The following OR10G3 variants were observed in gnomAD, a reference collection of about 807,000 sequenced individuals.
The protein encoded by OR10G3 is olfactory receptor 10G3.
OR10G3 carries 8 observed loss-of-function variants against 13.4 expected under a neutral mutation model. That is an observed-to-expected ratio of 0.60 (90% confidence interval 0.35 to 1.08). The LOEUF is 1.08. Ranked by LOEUF, OR10G3 falls within the 50% of genes least tolerant of loss-of-function variation. The probability of loss-of-function intolerance (pLI) is 0.02; values close to 1 mark genes in which losing one functional copy is unlikely to be tolerated. For missense variants in OR10G3, 393 were observed against 386.6 expected (o/e 1.02, Z -0.14); for synonymous variants, 142 against 156.1 (o/e 0.91, Z 0.67).
chr14:21,569,789 G>T lies in OR10G3; in HGVS notation c.*14C>A. The stretch of plus-strand genomic sequence containing the variant: ...TCTAATTGTGGCAGCTTCCCTAGTG[G>T]GAGAAAGACACTTTCAAACCTCACT... On this transcript the variant is annotated 3_prime_UTR_variant, in exon 2 of 2. Transcript: ENST00000641040. The T allele has an allele frequency of 1.2e-6, 2 of 1,600,168 alleles. No individual in the cohort carries two copies. Among genetic ancestry groups the T allele is most frequent in the South Asian group, 1.1e-5 (1 of 89,582 alleles).
chr14:21,580,076 C>T lies in OR10G3; in HGVS notation c.-308G>A, dbSNP rs1002921828. 1.3e-5 allele frequency: 2 copies of T among 152,184 alleles called. No homozygotes were observed. Among genetic ancestry groups the T allele is most frequent in the African/African-American group, 4.8e-5 (2 of 41,434 alleles). The allele number at this position is 152,184 out of a possible 1,614,324, so 9.4% of individuals were successfully genotyped here. A position where few individuals can be genotyped will look rare whatever the true frequency, so the allele number is the denominator to read the frequency against. On this transcript the variant is annotated 5_prime_UTR_variant, in exon 1 of 2. Transcript: ENST00000641040. ...AAGATAACTGTTAAGGTTGGTCTCT[C>T]CTGTGTTCTACTACTTCTTCTATTT...
Position 21,577,502 on chromosome 14 carries a change from A to G in OR10G3, c.-18+2284T>C, listed in dbSNP as rs192201665. Reference sequence around the variant, plus strand: ...AGGAACCAAATCAAAATAATGTAGTAAATCATGTGAACTGAATCACAATTT... The same window carrying G: ...AGGAACCAAATCAAAATAATGTAGTGAATCATGTGAACTGAATCACAATTT... On this transcript the variant is annotated intron_variant, in intron 1 of 1. Transcript: ENST00000641040. 3.0e-4 allele frequency among the ~76,000 whole-genome samples: 46 copies of G among 152,364 alleles called. No homozygotes were observed. In the East Asian group the frequency reaches 8.9e-3, roughly 29 times the overall value.
At chr14:21,575,747 C>A (rs536011505) in intron 1 of OR10G3, among the ~76,000 whole-genome samples, 5 of 152,078 alleles carry the variant, frequency 3.3e-5, no homozygotes, top group Non-Finnish European at 5.9e-5. Context: ...GCTTAGCTCT[C>A]ATCATTTAAC....
chr14:21,575,857 A>G lies in OR10G3; in HGVS notation c.-18+3929T>C, dbSNP rs573509164. On this transcript the variant is annotated intron_variant, in intron 1 of 1. Coordinates refer to ENST00000641040, the MANE Select transcript of OR10G3 (RefSeq NM_001005465.2). Reference sequence around the variant, plus strand: ...ATAAAATGCAGTTTATAAATTCTTCAGTTTTAAACATTATAGCCACAGGAT... The same window carrying G: ...ATAAAATGCAGTTTATAAATTCTTCGGTTTTAAACATTATAGCCACAGGAT... Among the ~76,000 whole-genome samples the G allele has an allele frequency of 1.7e-3, 256 of 152,304 alleles. 2 individuals carry two copies. The highest frequency in any genetic ancestry group is 3.4e-3 in the Middle Eastern group (1 of 294).
At chr14:21,572,757 C>T (rs985672560) in intron 1 of OR10G3, among the ~76,000 whole-genome samples, 19 of 151,866 alleles carry the variant, frequency 1.3e-4, no homozygotes, top group African/African-American at 4.6e-4. Flanking sequence ...GGGTTGATTT[C>T]TGGGCTCTGT....
chr14:21,575,818 C>T (rs536746492), intron 1 of OR10G3, among the ~76,000 whole-genome samples: 2 of 152,188 alleles, frequency 1.3e-5, no homozygotes, highest in Non-Finnish European at 2.9e-5. Flanking sequence ...GCCATTTTAT[C>T]CTCTTTCAAG....
chr14:21,570,363 A>G lies in OR10G3; in HGVS notation c.382T>C (p.Cys128Arg), dbSNP rs935999104. 1 of 1,614,220 alleles carries G rather than the reference A, an allele frequency of 6.2e-7. No homozygotes were observed. Among genetic ancestry groups the G allele is most frequent in the African/African-American group, 1.3e-5 (1 of 75,064 alleles). Residue 128 changes from cysteine to arginine, a missense_variant, in exon 2 of 2, where the codon TGT becomes CGT. Coordinates refer to ENST00000641040, the MANE Select transcript of OR10G3 (RefSeq NM_001005465.2). ...AGCACAGGGTAGCGCAGGGGCTGACATATTGCCAGGTACCTGTCATAGGCC... is the reference window on the plus strand; with the variant it reads ...AGCACAGGGTAGCGCAGGGGCTGACGTATTGCCAGGTACCTGTCATAGGCC... ...LMAYDRYLAI[C>R]QPLRYPVLMT...
In OR10G3 at chr14:21,569,937, C is replaced by T; in HGVS notation, c.808G>A (p.Asp270Asn). ...YLRPETNSPL[D>N]GAAALVPTAI... Reference sequence around the variant, plus strand: ...GTGGGGACTAGGGCAGCTGCCCCATCCAGGGGGCTGTTGGTTTCAGGCCTC... The same window carrying T: ...GTGGGGACTAGGGCAGCTGCCCCATTCAGGGGGCTGTTGGTTTCAGGCCTC... Residue 270 changes from aspartate (D) to asparagine (N), a missense_variant, in exon 2 of 2, where the codon GAT becomes AAT. Coordinates refer to ENST00000641040, the MANE Select transcript of OR10G3 (RefSeq NM_001005465.2). 6.2e-7 allele frequency: 1 copy of T among 1,612,694 alleles called. No individual in the cohort carries two copies. The highest frequency in any genetic ancestry group is 8.5e-7 in the Non-Finnish European group (1 of 1,179,280).
intron 1 of OR10G3, among the ~76,000 whole-genome samples, chr14:21,571,167 G>T (rs574012431): frequency 1.3e-5 from 2 of 152,200 alleles, no homozygotes; most frequent in Non-Finnish European, 2.9e-5. Context: ...CTGGAAACAT[G>T]ATATATGTGA....
chr14:21,569,042 A>G lies in OR10G3; in HGVS notation c.*761T>C, dbSNP rs1893033211. On this transcript the variant is annotated 3_prime_UTR_variant, in exon 2 of 2. Transcript: ENST00000641040. ...GACAGAACTAATGGGAAAAAAATAT[A>G]TATATATTTATATATATATAAAGGG... 1 of 150,538 alleles carries G rather than the reference A, an allele frequency of 6.6e-6. No homozygotes were observed. The highest frequency in any genetic ancestry group is 2.4e-5 in the African/African-American group (1 of 41,112). 9.3% of individuals were successfully genotyped at this position (150,538 alleles called of 1,614,324 possible).
At chr14:21,571,233 C>G (rs1419943960) in intron 1 of OR10G3, among the ~76,000 whole-genome samples, 2 of 152,216 alleles carry the variant, frequency 1.3e-5, no homozygotes, top group East Asian at 3.8e-4. Flanking sequence ...CCAGAGGCCA[C>G]TGGCTCACTC....
rs78898726 is a variant in OR10G3 at position 21,576,323 on chromosome 14, G to A, written c.-18+3463C>T. On this transcript the variant is annotated intron_variant, in intron 1 of 1. Coordinates refer to ENST00000641040, the MANE Select transcript of OR10G3 (RefSeq NM_001005465.2). ...TGTGTCTACTGCCCAGGGCACCCAC[G>A]TATTAATACTTCATGGTCCCTGGAA... 2.0e-3 allele frequency among the ~76,000 whole-genome samples: 306 copies of A among 152,284 alleles called. 2 individuals are homozygous for A. Among genetic ancestry groups the A allele is most frequent in the African/African-American group, 7.2e-3 (298 of 41,550 alleles).
intron 1 of OR10G3, among the ~76,000 whole-genome samples, chr14:21,578,856 A>G (rs546996743): frequency 2.0e-4 from 30 of 152,342 alleles, no homozygotes; most frequent in African/African-American, 6.5e-4. Context: ...CATATATAAT[A>G]TGAGAAAAGT....
intron 1 of OR10G3, among the ~76,000 whole-genome samples, chr14:21,579,236 AT>A (rs67010947): frequency 0.27 from 41,185 of 151,802 alleles, 5,874 homozygotes; most frequent in South Asian, 0.31. Context: ...TAATTTTTTA[AT>A]TTTTTTAATT....
At chr14:21,575,071 C>A (rs778167592) in intron 1 of OR10G3, 8 of 152,014 alleles carry the variant, frequency 5.3e-5, no homozygotes, top group Non-Finnish European at 1.2e-4. Context: ...TAGTTACATT[C>A]AAGTCTTTTT....
At chr14:21,570,893 G>A (rs903630132) in intron 1 of OR10G3, 132 bp from the exon 2 acceptor site, 1 of 599,562 alleles carries the variant, frequency 1.7e-6, no homozygotes. Flanking sequence ...CAAGTAGGGA[G>A]AAACAATGTT....
In OR10G3 at chr14:21,569,990, T is replaced by C. The variant is rs1594488897; in HGVS notation, c.755A>G (p.Tyr252Cys). ...CGAHVTVVTV[Y>C]YVPCAFIYLR... ...GTAGATGAAGGCACAGGGCACATAG[T>C]ACACGGTGACCACGGTTACATGGGC... The change falls in exon 2 of 2, where the codon TAC becomes TGC. Residue 252 changes from tyrosine to cysteine, a missense_variant. Transcript: ENST00000641040. 1.2e-6 allele frequency: 2 copies of C among 1,613,984 alleles called. No individual in the cohort carries two copies. The highest frequency in any genetic ancestry group is 2.2e-5 in the East Asian group (1 of 44,884).
rs994383770 is a variant in OR10G3, at chr14:21,579,790, A to G, written c.-22T>C. On this transcript the variant is annotated 5_prime_UTR_variant, in exon 1 of 2. Coordinates refer to ENST00000641040, the MANE Select transcript of OR10G3 (RefSeq NM_001005465.2). ...ATTTTGAGAAGAGGAACTCACCTGA[A>G]GGTGTCAGCATCCATCAAAAACTCT... The G allele has an allele frequency of 3.9e-5, 6 of 152,224 alleles. No individual in the cohort carries two copies. The highest frequency in any genetic ancestry group is 8.8e-5 in the Non-Finnish European group (6 of 68,050). 9.4% of individuals were successfully genotyped at this position (152,224 alleles called of 1,614,324 possible). A position where few individuals can be genotyped will look rare whatever the true frequency, so the allele number is the denominator to read the frequency against.
At position 21,569,031 on chromosome 14, in the gene OR10G3, G is replaced by T. The variant is rs1893032449; in HGVS notation, c.*772C>A. ...TTTTCTAGACGGACAGAACTAATGG[G>T]AAAAAAATATATATATATTTATATA... On this transcript the variant is annotated 3_prime_UTR_variant, in exon 2 of 2. Transcript: ENST00000641040. 6.7e-6 allele frequency: 1 copy of T among 150,194 alleles called. No homozygotes were observed. The highest frequency in any genetic ancestry group is 1.5e-5 in the Non-Finnish European group (1 of 67,692). The allele number at this position is 150,194 out of a possible 1,614,324, so 9.3% of individuals were successfully genotyped here.
Sources: gnomAD v4.1 joint callset for allele counts (sites outside exome capture counted in the v4.1 genomes callset) on GRCh38, gnomAD v4.1.1 for gene constraint, MANE v1.5 for transcripts, NCBI Gene and HGNC (gene_info 2026-07-23, HGNC 2026-07-21) for gene names.